GABBR2: variants seen among roughly 807,000 people sequenced by gnomAD.
The protein encoded by GABBR2 is G-protein coupled receptor 51.
GABBR2 carries 23 observed loss-of-function variants against 105.6 expected under a neutral mutation model. That is an observed-to-expected ratio of 0.22 (90% CI 0.16 to 0.31). The LOEUF (loss-of-function observed/expected upper bound fraction) is 0.31. GABBR2 is among the 10% of genes least tolerant of loss of function. The pLI is 1.00. For synonymous variants in GABBR2, 478 were observed against 499.7 expected (o/e 0.96, Z 0.58); for missense variants, 734 against 1,245.5 (o/e 0.59, Z 6.18).
intron 13 of GABBR2, among the ~76,000 whole-genome samples, chr9:98,324,133 C>T (rs1244814757): frequency 6.6e-6 from 1 of 152,174 alleles, no homozygotes; most frequent in Non-Finnish European, 1.5e-5. Context: ...TGACTGCAGG[C>T]TCAGGGCCCT....
intron 4 of GABBR2, among the ~76,000 whole-genome samples, chr9:98,483,858 T>C (rs867791556): frequency 3.6e-4 from 55 of 152,330 alleles, no homozygotes; most frequent in African/African-American, 1.3e-3. Flanking sequence ...GTGGCTCAAG[T>C]CCACTTACTT....
chr9:98,683,651 G>A (rs564930570), intron 1 of GABBR2, among the ~76,000 whole-genome samples: 13 of 152,008 alleles, frequency 8.6e-5, no homozygotes, highest in Admixed American at 2.6e-4. Context: ...GCTGAATGCG[G>A]CACCCTTGTT....
At chr9:98,573,463 T>C (rs917265148) in intron 2 of GABBR2, among the ~76,000 whole-genome samples, 7 of 152,172 alleles carry the variant, frequency 4.6e-5, no homozygotes, top group Admixed American at 3.9e-4. Context: ...TTATAATTTT[T>C]TGTAGAGATG....
At chr9:98,647,957 G>A (rs1365434516) in intron 1 of GABBR2, among the ~76,000 whole-genome samples, 3 of 144,886 alleles carry the variant, frequency 2.1e-5, no homozygotes, top group African/African-American at 7.8e-5. Flanking sequence ...TTAAGTGTTT[G>A]GTTTTTTTTT....
intron 13 of GABBR2, among the ~76,000 whole-genome samples, chr9:98,361,642 A>G (rs980181469): frequency 6.6e-6 from 1 of 152,196 alleles, no homozygotes; most frequent in African/African-American, 2.4e-5. Flanking sequence ...GAGTGGACTC[A>G]GTTCCTGCCC....
rs900437612 is a variant in GABBR2 at position 98,503,468 on chromosome 9, G to A, written c.631-6954C>T. On this transcript the variant is annotated intron_variant, in intron 3 of 18. Transcript: ENST00000259455. ...ATTTGAGACAGTTGCTCAGGCTTCTGTGGGACCTCTGAGGGGCAGGGACAT... is the reference window on the plus strand; with the variant it reads ...ATTTGAGACAGTTGCTCAGGCTTCTATGGGACCTCTGAGGGGCAGGGACAT... Among the ~76,000 whole-genome samples, 4 of 152,222 alleles carry A rather than the reference G, an allele frequency of 2.6e-5. No individual in the cohort carries two copies. The East Asian group carries it at 5.8e-4, about 22-fold the overall frequency.
At chr9:98,671,415 T>G (rs548504836) in intron 1 of GABBR2, among the ~76,000 whole-genome samples, 1 of 152,358 alleles carries the variant, frequency 6.6e-6, no homozygotes, top group South Asian at 2.1e-4. Context: ...GACATTTAGA[T>G]TCTTTCCACC....
At chr9:98,552,499 C>T (rs1180689083) in intron 2 of GABBR2, among the ~76,000 whole-genome samples, 1 of 152,168 alleles carries the variant, frequency 6.6e-6, no homozygotes, top group Non-Finnish European at 1.5e-5. Context: ...GTTGGGAACT[C>T]GGGTCCACTT....
At position 98,288,716 on chromosome 9, in the gene GABBR2, A is replaced by G. The variant is rs181854138; in HGVS notation, c.*1868T>C. 10 of 152,738 alleles carry G rather than the reference A, an allele frequency of 6.5e-5. No individual in the cohort carries two copies. The highest frequency in any genetic ancestry group is 2.2e-4 in the African/African-American group (9 of 41,580). The allele number at this position is 152,738 out of a possible 1,614,324, so 9.5% of individuals were successfully genotyped here. A position where few individuals can be genotyped will look rare whatever the true frequency, so the allele number is the denominator to read the frequency against. ...AGTGCCTAAACAGAGAATGACTTCA[A>G]CTTGACCTGTGATGTGTTAACATTT... On this transcript the variant is annotated 3_prime_UTR_variant, in exon 19 of 19. Transcript: ENST00000259455.
intron 12 of GABBR2, among the ~76,000 whole-genome samples, chr9:98,368,355 AGT>A (rs369001856): frequency 5.3e-5 from 8 of 152,100 alleles, no homozygotes; most frequent in Admixed American, 5.2e-4. Flanking sequence ...AGGTTAAAAA[AGT>A]GTGTGTGTGG....
intron 7 of GABBR2, among the ~76,000 whole-genome samples, chr9:98,412,903 T>C (rs1034432572): frequency 2.0e-5 from 3 of 152,232 alleles, no homozygotes; most frequent in Non-Finnish European, 1.5e-5. Context: ...TCTATCAGCA[T>C]TGGATCAGAG....
intron 9 of GABBR2, among the ~76,000 whole-genome samples, chr9:98,393,178 CCAT>C: frequency 6.7e-6 from 1 of 148,214 alleles, no homozygotes; most frequent in African/African-American, 2.5e-5. Context: ...ATCCATCCAT[CCAT>C]CCATCTATCC....
chr9:98,349,597 G>A (rs1026442473), intron 13 of GABBR2, among the ~76,000 whole-genome samples: 10 of 151,942 alleles, frequency 6.6e-5, no homozygotes, highest in South Asian at 2.1e-4. Context: ...CTCGTGATCC[G>A]CCTTCCCTGG....
At chr9:98,323,009 C>G (rs1019979569) in intron 13 of GABBR2, among the ~76,000 whole-genome samples, 8 of 152,074 alleles carry the variant, frequency 5.3e-5, no homozygotes, top group Non-Finnish European at 1.0e-4. Context: ...TTCACCCAAT[C>G]AATCAACCAC....
At chr9:98,464,765 C>G (rs1363693660) in intron 6 of GABBR2, among the ~76,000 whole-genome samples, 1 of 152,182 alleles carries the variant, frequency 6.6e-6, no homozygotes, top group African/African-American at 2.4e-5. Context: ...CCATTTTGTT[C>G]TGTACTAAGA....
chr9:98,700,923 G>A (rs548524429), intron 1 of GABBR2, among the ~76,000 whole-genome samples: 5 of 152,246 alleles, frequency 3.3e-5, no homozygotes, highest in African/African-American at 9.6e-5. Context: ...CACCCAGGAC[G>A]ACCTCTGACA....
chr9:98,395,901 A>G (rs1266332346), intron 8 of GABBR2, among the ~76,000 whole-genome samples: 3 of 152,140 alleles, frequency 2.0e-5, no homozygotes, highest in South Asian at 2.1e-4. Context: ...CCGAGCCTCT[A>G]TAGTGTGCTG....
intron 16 of GABBR2, among the ~76,000 whole-genome samples, chr9:98,301,678 G>A (rs1333407086): frequency 6.6e-6 from 1 of 152,252 alleles, no homozygotes; most frequent in African/African-American, 2.4e-5. Context: ...ACATTTAAGA[G>A]TTTTAAATAG....
chr9:98,408,712 C>T (rs760544430), intron 7 of GABBR2, among the ~76,000 whole-genome samples: 1 of 152,186 alleles, frequency 6.6e-6, no homozygotes, highest in African/African-American at 2.4e-5. Context: ...AACAAGTCCT[C>T]CAATGCTTAA....
Sources: gnomAD v4.1 joint callset for allele counts (sites outside exome capture counted in the v4.1 genomes callset) on GRCh38, gnomAD v4.1.1 for gene constraint, MANE v1.5 for transcripts, NCBI Gene and HGNC (gene_info 2026-07-23, HGNC 2026-07-21) for gene names.